The following LMO3 variants were observed in gnomAD, a reference collection of about 807,000 sequenced individuals.
LMO3 encodes the protein LIM domain only protein 3.
A neutral mutation model predicts 15.8 loss-of-function variants in LMO3; 2 were observed. The observed-to-expected ratio is 0.13, with a 90% CI of 0.05 to 0.40. LMO3 has a LOEUF of 0.40. LMO3 is among the 10% of genes least tolerant of loss of function. LMO3 has a pLI of 0.99. For synonymous variants in LMO3, 62 were observed against 63.8 expected (o/e 0.97, Z 0.13); for missense variants, 86 against 182.2 (o/e 0.47, Z 3.04).
chr12:16,587,815 A>G lies in LMO3; in HGVS notation c.206+12840T>C, dbSNP rs1943368296. ...CACTGTGTCCTGAATGGGGGGTTTC[A>G]GGGGGAGGGAGAGGAACCTTGTCTC... On this transcript the variant is annotated intron_variant, in intron 2 of 3. Transcript: ENST00000537304. This position sits in a 1 kb window ranked among gnomAD's most constrained non-coding sequence, Gnocchi z 4.3. Among the ~76,000 whole-genome samples, 1 of 151,994 alleles carries G rather than the reference A, an allele frequency of 6.6e-6. No homozygotes were observed. The highest frequency in any genetic ancestry group is 1.5e-5 in the Non-Finnish European group (1 of 67,944).
Position 16,551,230 on chromosome 12 carries a change from C to A in LMO3, c.430G>T (p.Val144Phe). 6.3e-7 allele frequency: 1 copy of A among 1,599,208 alleles called. No homozygotes were observed. The highest frequency in any genetic ancestry group is 8.6e-7 in the Non-Finnish European group (1 of 1,166,532). Residue 144 changes from valine to phenylalanine, a missense_variant, in exon 4 of 4, where the codon GTT becomes TTT. Val to Phe is a conservative substitution (Grantham distance 50). Transcript: ENST00000537304. Reference sequence around the variant, plus strand: ...GGGGTGATGTTGATAGATCAGCGAACCTGGGGTGCATAACCTTCTTTCATT... The same window carrying A: ...GGGGTGATGTTGATAGATCAGCGAAACTGGGGTGCATAACCTTCTTTCATT... ...GLMKEGYAPQ[V>F]R
rs1943247262 is a variant in LMO3 at position 16,584,147 on chromosome 12, T to C, written c.206+16508A>G. 6.6e-6 allele frequency among the ~76,000 whole-genome samples: 1 copy of C among 152,098 alleles called. No individual in the cohort carries two copies. The highest frequency in any genetic ancestry group is 1.5e-5 in the Non-Finnish European group (1 of 68,024). ...CCCTAGAATTGTGGTAAGAGGGAAA[T>C]GACAGCAGTGAGTAGGGGTAAAAGG... On this transcript the variant is annotated intron_variant, in intron 2 of 3. Coordinates refer to ENST00000537304, the MANE Select transcript of LMO3 (RefSeq NM_018640.5). This position sits in a 1 kb window ranked among gnomAD's most constrained non-coding sequence, Gnocchi z 5.2.
In LMO3 at chr12:16,589,067, G is replaced by C. The variant is rs1180949131; in HGVS notation, c.206+11588C>G. Among the ~76,000 whole-genome samples the C allele has an allele frequency of 1.3e-5, 2 of 152,064 alleles. No homozygotes were observed. Among genetic ancestry groups the C allele is most frequent in the Non-Finnish European group, 2.9e-5 (2 of 67,990 alleles). Reference sequence around the variant, plus strand: ...ATGTGAAGCTGGGGTGTAGCAGAAGGGGGTCGACGTCAGGTCTGGATACCT... The same window carrying C: ...ATGTGAAGCTGGGGTGTAGCAGAAGCGGGTCGACGTCAGGTCTGGATACCT... On this transcript the variant is annotated intron_variant, in intron 2 of 3. Coordinates refer to ENST00000537304, the MANE Select transcript of LMO3 (RefSeq NM_018640.5). The surrounding 1 kb of genome is among the most constrained non-coding windows in gnomAD (Gnocchi z 4.2).
chr12:16,560,045 T>C lies in LMO3; in HGVS notation c.332+368A>G, dbSNP rs1374978046. Among the ~76,000 whole-genome samples, 1 of 152,094 alleles carries C rather than the reference T, an allele frequency of 6.6e-6. No individual in the cohort carries two copies. Among genetic ancestry groups the C allele is most frequent in the East Asian group, 1.9e-4 (1 of 5,200 alleles). ...ATATAAAATACCTGCAACAAATTCCTGTATATTTGCTTCATTGCCAATTTA... is the reference window on the plus strand; with the variant it reads ...ATATAAAATACCTGCAACAAATTCCCGTATATTTGCTTCATTGCCAATTTA... On this transcript the variant is annotated intron_variant, in intron 3 of 3. Transcript: ENST00000537304. This position sits in a 1 kb window ranked among gnomAD's most constrained non-coding sequence, Gnocchi z 5.0.
Position 16,555,697 on chromosome 12 carries a change from G to T in LMO3, c.333-4370C>A, listed in dbSNP as rs1942166225. On this transcript the variant is annotated intron_variant, in intron 3 of 3. Transcript: ENST00000537304. This position sits in a 1 kb window ranked among gnomAD's most constrained non-coding sequence, Gnocchi z 5.5. ...TACTCCTCCATGTGCCTACCAAACC[G>T]CTTCTCTAATCTCTGAACATACTGA... 6.6e-6 allele frequency among the ~76,000 whole-genome samples: 1 copy of T among 151,982 alleles called. No individual in the cohort carries two copies. The highest frequency in any genetic ancestry group is 2.4e-5 in the African/African-American group (1 of 41,368).
chr12:16,608,584 G>A (rs1035467930), upstream of LMO3: 1 of 152,012 alleles, frequency 6.6e-6, no homozygotes, highest in African/African-American at 2.4e-5. This position sits in a 1 kb window ranked among gnomAD's most constrained non-coding sequence, Gnocchi z 4.1. Flanking sequence ...TTTCTTAAGG[G>A]ACAAACACCC....
chr12:16,581,647 T>C (rs1406195624), intron 2 of LMO3, among the ~76,000 whole-genome samples: 2 of 152,206 alleles, frequency 1.3e-5, no homozygotes, highest in African/African-American at 2.4e-5. Context: ...ATTGCTATTA[T>C]AACAGGCTTA....
At chr12:16,592,091 G>A (rs1943512087) in intron 2 of LMO3, among the ~76,000 whole-genome samples, 1 of 151,970 alleles carries the variant, frequency 6.6e-6, no homozygotes, top group Admixed American at 6.6e-5. Flanking sequence ...ACAAAAGAAA[G>A]TATGTATAAC....
At chr12:16,577,799 A>G (rs1943040399) in intron 2 of LMO3, among the ~76,000 whole-genome samples, 1 of 152,196 alleles carries the variant, frequency 6.6e-6, no homozygotes, top group Non-Finnish European at 1.5e-5. Context: ...CAGGTTGCCC[A>G]TGATGGTTCT....
At chr12:16,588,199 TTTC>T (rs1943380084) in intron 2 of LMO3, among the ~76,000 whole-genome samples, 1 of 151,982 alleles carries the variant, frequency 6.6e-6, no homozygotes, top group African/African-American at 2.4e-5. Context: ...TAAACATTGT[TTTC>T]ATAATTTTTA....
chr12:16,560,367 CAG>C lies in LMO3; in HGVS notation c.332+44_332+45del. The C allele has an allele frequency of 6.3e-7, 1 of 1,588,166 alleles. No individual in the cohort carries two copies. Among genetic ancestry groups the C allele is most frequent in the Non-Finnish European group, 8.6e-7 (1 of 1,167,300 alleles). ...CCACCTATTAAATAAATAGCCAGCA[CAG>C]AGAGGTTAACCATTTCTTAGAGACC... is the stretch of plus-strand genomic sequence containing the variant. On this transcript the variant is annotated intron_variant, in intron 3 of 3. Coordinates refer to ENST00000537304, the MANE Select transcript of LMO3 (RefSeq NM_018640.5). This position sits in a 1 kb window ranked among gnomAD's most constrained non-coding sequence, Gnocchi z 5.0.
At chr12:16,602,931 A>G (rs1943869965) in intron 1 of LMO3, among the ~76,000 whole-genome samples, 1 of 151,994 alleles carries the variant, frequency 6.6e-6, no homozygotes, top group Non-Finnish European at 1.5e-5. Flanking sequence ...ATTAACGGCC[A>G]TTCTATTAAA....
At chr12:16,588,512 G>A (rs1443033578) in intron 2 of LMO3, among the ~76,000 whole-genome samples, 3 of 152,058 alleles carry the variant, frequency 2.0e-5, no homozygotes, top group Non-Finnish European at 4.4e-5. Context: ...AAAACAGGGA[G>A]AGCATGGATA....
chr12:16,609,235 C>A (rs1232243235), upstream of LMO3: 1 of 152,142 alleles, frequency 6.6e-6, no homozygotes, highest in Admixed American at 6.5e-5. Flanking sequence ...GGAATTTAAT[C>A]ATCTTCTGCT....
rs931148717 is a variant in LMO3 at position 16,599,216 on chromosome 12, C to T, written c.206+1439G>A. 1 of 152,374 alleles carries T rather than the reference C, an allele frequency of 6.6e-6. No homozygotes were observed. The highest frequency in any genetic ancestry group is 2.4e-5 in the African/African-American group (1 of 41,426). 9.4% of individuals were successfully genotyped at this position (152,374 alleles called of 1,614,324 possible). A position where few individuals can be genotyped will look rare whatever the true frequency, so the allele number is the denominator to read the frequency against. On this transcript the variant is annotated intron_variant, in intron 2 of 3. Transcript: ENST00000537304. The surrounding 1 kb of genome is among the most constrained non-coding windows in gnomAD (Gnocchi z 4.1). ...TTAATTTTGATTCGTTGTGCCAACACAATGAGGGAAATCCTGGCTGGAGAG... is the reference window on the plus strand; with the variant it reads ...TTAATTTTGATTCGTTGTGCCAACATAATGAGGGAAATCCTGGCTGGAGAG...
In LMO3 at chr12:16,591,307, G is replaced by T. The variant is rs1395113250; in HGVS notation, c.206+9348C>A. Reference sequence around the variant, plus strand: ...AGCCCAGAATGTCCTTCCCATACGTGATCATGGCTAGCTCCTTCACTTTCA... The same window carrying T: ...AGCCCAGAATGTCCTTCCCATACGTTATCATGGCTAGCTCCTTCACTTTCA... On this transcript the variant is annotated intron_variant, in intron 2 of 3. Transcript: ENST00000537304. The surrounding 1 kb of genome is among the most constrained non-coding windows in gnomAD (Gnocchi z 4.1). Among the ~76,000 whole-genome samples, 1 of 151,892 alleles carries T rather than the reference G, an allele frequency of 6.6e-6. No homozygotes were observed. The highest frequency in any genetic ancestry group is 2.4e-5 in the African/African-American group (1 of 41,358).
chr12:16,556,130 T>G (rs2137286882), intron 3 of LMO3, among the ~76,000 whole-genome samples: 1 of 152,322 alleles, frequency 6.6e-6, no homozygotes, highest in Middle Eastern at 3.4e-3. Flanking sequence ...AATTAATTGT[T>G]ACATAATTTT....
At chr12:16,601,286 G>T (rs1305639312) in intron 1 of LMO3, among the ~76,000 whole-genome samples, 2 of 152,094 alleles carry the variant, frequency 1.3e-5, no homozygotes, top group Admixed American at 6.5e-5. Context: ...AATGAGTTTT[G>T]CTTAACTGTT....
intron 1 of LMO3, among the ~76,000 whole-genome samples, chr12:16,601,241 C>T (rs1943812701): frequency 6.6e-6 from 1 of 152,138 alleles, no homozygotes; most frequent in Non-Finnish European, 1.5e-5. Flanking sequence ...AGCTATTTAA[C>T]AAATTAATCT....
Sources: gnomAD v4.1 joint callset for allele counts (sites outside exome capture counted in the v4.1 genomes callset) on GRCh38, gnomAD v4.1.1 for gene constraint, Gnocchi (gnomAD v3.1) non-coding constraint, MANE v1.5 for transcripts, NCBI Gene and HGNC (gene_info 2026-07-23, HGNC 2026-07-21) for gene names.